The following TBC1D1 variants were observed in gnomAD, a reference collection of about 807,000 sequenced individuals.
TBC1D1 encodes TBC1 domain family member 1.
Under a neutral mutation model 125.6 loss-of-function variants are expected in TBC1D1, and 89 were observed. The ratio of observed to expected loss-of-function variants is 0.71; its 90% CI spans 0.60 to 0.85. TBC1D1 has a LOEUF of 0.85. Among genes scored for constraint, TBC1D1 ranks in the 40% least tolerant of loss-of-function variants. The probability of loss-of-function intolerance (pLI) is 0.00; values close to 1 mark genes in which losing one functional copy is unlikely to be tolerated. For missense variants in TBC1D1, 1,377 were observed against 1,469.2 expected (o/e 0.94, Z 1.03); for synonymous variants, 565 against 564.1 (o/e 1.00, Z -0.02).
In TBC1D1 at chr4:37,990,266, G is replaced by A. The variant is rs112929122; in HGVS notation, c.418-24243G>A. On this transcript the variant is annotated intron_variant, in intron 2 of 19. Coordinates refer to ENST00000261439, the MANE Select transcript of TBC1D1 (RefSeq NM_015173.4). ...GGCCTGTGGGCTACATACAGGCCAG[G>A]ATGGTTTTGAATGTGGCCCAAAAAA... Among the ~76,000 whole-genome samples, 258 of 152,116 alleles carry A rather than the reference G, an allele frequency of 1.7e-3. 1 individual carries two copies. Among genetic ancestry groups the A allele is most frequent in the African/African-American group, 5.9e-3 (244 of 41,474 alleles).
chr4:37,932,895 A>G (rs1020000404), intron 2 of TBC1D1, among the ~76,000 whole-genome samples: 3 of 152,100 alleles, frequency 2.0e-5, no homozygotes, highest in African/African-American at 7.2e-5. Context: ...CATCTCTACT[A>G]AAAATGCAAA....
chr4:37,956,154 G>A (rs1728897181), intron 2 of TBC1D1, among the ~76,000 whole-genome samples: 1 of 151,844 alleles, frequency 6.6e-6, no homozygotes, highest in Non-Finnish European at 1.5e-5. Flanking sequence ...AGCCTTCTGA[G>A]TAGCTGGAAT....
intron 2 of TBC1D1, among the ~76,000 whole-genome samples, chr4:38,011,819 T>A (rs534143463): frequency 6.6e-6 from 1 of 152,308 alleles, no homozygotes; most frequent in African/African-American, 2.4e-5. Flanking sequence ...TACCACAACC[T>A]CGATTGTGAC....
At chr4:38,027,673 C>A in intron 6 of TBC1D1, 115 bp from the exon 7 acceptor site, 2 of 548,782 alleles carry the variant, frequency 3.6e-6, no homozygotes, top group Non-Finnish European at 3.2e-6. Flanking sequence ...TTCCTAAAAC[C>A]TTGGAAGTCT....
intron 14 of TBC1D1, among the ~76,000 whole-genome samples, chr4:38,101,517 CTG>C (rs925342114): frequency 1.3e-5 from 2 of 152,236 alleles, no homozygotes; most frequent in African/African-American, 4.8e-5. Context: ...TTTTTAATCA[CTG>C]TGAGTATTCA....
At chr4:37,912,322 G>A (rs1718797102) in intron 2 of TBC1D1, among the ~76,000 whole-genome samples, 1 of 152,226 alleles carries the variant, frequency 6.6e-6, no homozygotes, top group Admixed American at 6.5e-5. Flanking sequence ...CAATGGGTTG[G>A]GTGAGGATTG....
chr4:38,012,885 C>T (rs1205178684), intron 2 of TBC1D1, among the ~76,000 whole-genome samples: 3 of 152,168 alleles, frequency 2.0e-5, no homozygotes, highest in Non-Finnish European at 4.4e-5. Context: ...CCTCCGCCTC[C>T]CAGGTTCAAG....
At chr4:37,993,355 G>A (rs1737053431) in intron 2 of TBC1D1, among the ~76,000 whole-genome samples, 2 of 152,082 alleles carry the variant, frequency 1.3e-5, no homozygotes, top group Admixed American at 6.5e-5. Context: ...ATTACCCTGC[G>A]CCTCCCCTTA....
At chr4:38,102,180 A>T (rs1263206501) in intron 14 of TBC1D1, among the ~76,000 whole-genome samples, 1 of 151,952 alleles carries the variant, frequency 6.6e-6, no homozygotes. Flanking sequence ...CCAACATGGC[A>T]CACTTATACA....
intron 12 of TBC1D1, among the ~76,000 whole-genome samples, chr4:38,073,156 G>A (rs1403644394): frequency 1.3e-5 from 2 of 152,168 alleles, no homozygotes; most frequent in Non-Finnish European, 2.9e-5. Flanking sequence ...GGGTTTGCTG[G>A]ATCGATCATA....
chr4:38,128,441 G>A (rs1454456433), intron 18 of TBC1D1, among the ~76,000 whole-genome samples: 1 of 152,148 alleles, frequency 6.6e-6, no homozygotes, highest in Non-Finnish European at 1.5e-5. Flanking sequence ...CCCAAATCTT[G>A]GGGGTCTTCA....
intron 15 of TBC1D1, among the ~76,000 whole-genome samples, chr4:38,112,507 C>A (rs1260731367): frequency 6.6e-6 from 1 of 152,150 alleles, no homozygotes; most frequent in Non-Finnish European, 1.5e-5. Context: ...TTGCATTAGG[C>A]ATTGTACGTG....
chr4:38,001,638 T>C (rs1237461650), intron 2 of TBC1D1, among the ~76,000 whole-genome samples: 1 of 152,252 alleles, frequency 6.6e-6, no homozygotes, highest in African/African-American at 2.4e-5. Context: ...GGGCTTATTA[T>C]GAGGCATTCC....
At chr4:38,107,577 G>GTTTTTTTTTTTTTTTT (rs3038351) in intron 15 of TBC1D1, among the ~76,000 whole-genome samples, 2 of 53,104 alleles carry the variant, frequency 3.8e-5, no homozygotes, top group African/African-American at 8.4e-5. Flanking sequence ...GTCTAAACAG[G>GTTTTTTTTTTTTTTTT]TTTTTTTTTT....
intron 2 of TBC1D1, among the ~76,000 whole-genome samples, chr4:37,962,290 A>C (rs1196196659): frequency 6.6e-6 from 1 of 152,234 alleles, no homozygotes; most frequent in Non-Finnish European, 1.5e-5. Context: ...GTAAAGGAAG[A>C]CATCACATTC....
intron 14 of TBC1D1, among the ~76,000 whole-genome samples, chr4:38,099,746 T>C (rs532119684): frequency 6.6e-6 from 1 of 152,110 alleles, no homozygotes; most frequent in Non-Finnish European, 1.5e-5. Context: ...TTCTCTTGGG[T>C]TAGGAGTGAA....
chr4:37,912,920 A>G (rs1404421914), intron 2 of TBC1D1, among the ~76,000 whole-genome samples: 2 of 152,218 alleles, frequency 1.3e-5, no homozygotes, highest in Non-Finnish European at 2.9e-5. Flanking sequence ...GACAGTTACT[A>G]TTAGAAGCAC....
intron 17 of TBC1D1, among the ~76,000 whole-genome samples, chr4:38,118,800 C>A (rs1325669902): frequency 6.6e-6 from 1 of 152,232 alleles, no homozygotes; most frequent in Non-Finnish European, 1.5e-5. Context: ...TCCCGTGCCC[C>A]CGCTGTTAAC....
intron 2 of TBC1D1, among the ~76,000 whole-genome samples, chr4:37,986,209 C>A (rs2085873558): frequency 6.6e-6 from 1 of 151,984 alleles, no homozygotes; most frequent in African/African-American, 2.4e-5. Flanking sequence ...GAATGTAATT[C>A]CATTTGTTCT....
Sources: gnomAD v4.1 joint callset for allele counts (sites outside exome capture counted in the v4.1 genomes callset) on GRCh38, gnomAD v4.1.1 for gene constraint, MANE v1.5 for transcripts, NCBI Gene and HGNC (gene_info 2026-07-23, HGNC 2026-07-21) for gene names.